Variants in NRG1 observed in about 807,000 individuals in gnomAD.
NRG1 encodes the protein pro-neuregulin-1, membrane-bound isoform.
Under a neutral mutation model 63.8 loss-of-function variants are expected in NRG1, and 18 were observed. That is an observed-to-expected ratio of 0.28 (90% CI 0.19 to 0.42). The LOEUF (loss-of-function observed/expected upper bound fraction) is 0.42, where lower values mean the gene tolerates loss of function less well. Ranked by LOEUF, NRG1 falls within the 10% of genes least tolerant of loss-of-function variation. The pLI is 1.00. For missense variants in NRG1, 762 were observed against 814.7 expected (o/e 0.94, Z 0.79); for synonymous variants, 302 against 301.3 (o/e 1.00, Z -0.02).
chr8:32,282,008 A>G (rs908726757), intron 1 of NRG1, among the ~76,000 whole-genome samples: 1 of 152,130 alleles, frequency 6.6e-6, no homozygotes, highest in Non-Finnish European at 1.5e-5. Context: ...AAGTCAAGAA[A>G]AACAACTGCC....
chr8:32,325,985 G>C (rs1010803890), intron 1 of NRG1, among the ~76,000 whole-genome samples: 1 of 150,216 alleles, frequency 6.7e-6, no homozygotes, highest in African/African-American at 2.5e-5. Flanking sequence ...TTGTCCAACT[G>C]ATGTTTTCTC....
chr8:32,174,258 T>C lies in NRG1; in HGVS notation c.38-421570T>C, dbSNP rs558189964. 2.9e-4 allele frequency among the ~76,000 whole-genome samples: 43 copies of C among 150,834 alleles called. 2 individuals are homozygous for C. Among genetic ancestry groups the C allele is most frequent in the East Asian group, 7.8e-4 (4 of 5,112 alleles). On this transcript the variant is annotated intron_variant, in intron 1 of 10. Transcript: ENST00000519301. Reference sequence around the variant, plus strand: ...AATGACTACTGGGTACATAACAAAATGAAATTAAGATGTTCTTTGAAACCA... The same window carrying C: ...AATGACTACTGGGTACATAACAAAACGAAATTAAGATGTTCTTTGAAACCA...
chr8:31,979,010 A>G (rs552469095), intron 1 of NRG1, among the ~76,000 whole-genome samples: 2 of 152,274 alleles, frequency 1.3e-5, no homozygotes, highest in Non-Finnish European at 2.9e-5. Context: ...TTGATAACCT[A>G]TGTGATAAAG....
chr8:31,928,435 A>C (rs1834588639), intron 1 of NRG1, among the ~76,000 whole-genome samples: 1 of 150,980 alleles, frequency 6.6e-6, no homozygotes, highest in Admixed American at 6.6e-5. Flanking sequence ...GGAAAACAAT[A>C]TGGGGATTTC....
intron 1 of NRG1, among the ~76,000 whole-genome samples, chr8:32,285,651 T>G (rs1853431633): frequency 1.3e-5 from 2 of 152,066 alleles, no homozygotes; most frequent in South Asian, 4.1e-4. Flanking sequence ...CTACTTGGAG[T>G]AGGGGGTGCT....
intron 7 of NRG1, among the ~76,000 whole-genome samples, chr8:32,750,877 CTATT>C (rs1164817268): frequency 6.6e-6 from 1 of 151,862 alleles, no homozygotes; most frequent in East Asian, 1.9e-4. Flanking sequence ...GGGGAGCTAT[CTATT>C]GGAGTTTCTT....
At chr8:32,620,409 G>T (rs964819354) in intron 5 of NRG1, among the ~76,000 whole-genome samples, 1 of 151,828 alleles carries the variant, frequency 6.6e-6, no homozygotes, top group Non-Finnish European at 1.5e-5. Flanking sequence ...TTGGGGGTCA[G>T]TGTAAGACAG....
intron 1 of NRG1, among the ~76,000 whole-genome samples, chr8:32,503,040 C>G (rs952335516): frequency 2.0e-5 from 3 of 152,006 alleles, no homozygotes; most frequent in Non-Finnish European, 4.4e-5. Context: ...AATCCCAGCA[C>G]TTCGGGAGGC....
intron 1 of NRG1, among the ~76,000 whole-genome samples, chr8:32,358,748 T>C (rs996897514): frequency 6.6e-6 from 1 of 152,168 alleles, no homozygotes; most frequent in African/African-American, 2.4e-5. Flanking sequence ...ACATGGTTTC[T>C]AAAGTCTTAG....
intron 1 of NRG1, among the ~76,000 whole-genome samples, chr8:32,480,079 G>C (rs1400638782): frequency 6.6e-6 from 1 of 152,192 alleles, no homozygotes; most frequent in Non-Finnish European, 1.5e-5. Flanking sequence ...AAAAGGATGA[G>C]AAGGAATTTA....
intron 3 of NRG1, 40 bp downstream of exon 3, chr8:32,605,723 C>T: frequency 6.2e-7 from 1 of 1,603,664 alleles, no homozygotes; most frequent in Non-Finnish European, 8.5e-7. Context: ...CAATCTGTAA[C>T]AAGAGTAATC....
chr8:31,695,812 C>T (rs922439237), intron 1 of NRG1, among the ~76,000 whole-genome samples: 3 of 151,868 alleles, frequency 2.0e-5, no homozygotes, highest in Non-Finnish European at 4.4e-5. Flanking sequence ...CAACCATTAG[C>T]CAATAAATAT....
chr8:31,694,437 A>G (rs1229498416), intron 1 of NRG1, among the ~76,000 whole-genome samples: 3 of 152,200 alleles, frequency 2.0e-5, no homozygotes, highest in Non-Finnish European at 2.9e-5. Context: ...TGAGTGCCCA[A>G]GTATATATCA....
At chr8:31,753,048 G>A (rs1816641464) in intron 1 of NRG1, among the ~76,000 whole-genome samples, 1 of 151,936 alleles carries the variant, frequency 6.6e-6, no homozygotes, top group African/African-American at 2.4e-5. Context: ...CTCTCTGAAA[G>A]TTTCCAAAGT....
intron 1 of NRG1, among the ~76,000 whole-genome samples, chr8:31,864,382 A>G (rs1323475110): frequency 6.6e-6 from 1 of 152,166 alleles, no homozygotes; most frequent in Non-Finnish European, 1.5e-5. Context: ...ACTGGGGACT[A>G]TGGCAGCCAA....
intron 1 of NRG1, among the ~76,000 whole-genome samples, chr8:31,810,476 C>T (rs997088844): frequency 6.6e-6 from 1 of 152,120 alleles, no homozygotes; most frequent in Non-Finnish European, 1.5e-5. Context: ...TATCATTGTT[C>T]ACTGTGTTTC....
chr8:32,434,817 A>G (rs907900855), intron 1 of NRG1, among the ~76,000 whole-genome samples: 7 of 152,228 alleles, frequency 4.6e-5, no homozygotes, highest in African/African-American at 1.7e-4. Flanking sequence ...AAAATTTAAA[A>G]TAATACAAAT....
intron 1 of NRG1, among the ~76,000 whole-genome samples, chr8:32,395,342 A>G (rs1812304674): frequency 6.6e-6 from 1 of 152,224 alleles, no homozygotes; most frequent in South Asian, 2.1e-4. Flanking sequence ...GTATTGAATT[A>G]TTTTACATTC....
chr8:31,868,649 T>C (rs1829207074), intron 1 of NRG1, among the ~76,000 whole-genome samples: 1 of 152,204 alleles, frequency 6.6e-6, no homozygotes, highest in Non-Finnish European at 1.5e-5. Flanking sequence ...CTTTACCATT[T>C]TGAAGCCATC....
Sources: allele counts gnomAD v4.1 joint callset (sites outside exome capture counted in the v4.1 genomes callset), GRCh38; gene constraint gnomAD v4.1.1; transcripts MANE v1.5; gene names NCBI Gene and HGNC (gene_info 2026-07-23, HGNC 2026-07-21).